ETV7: variants seen among roughly 807,000 people sequenced by gnomAD.
ETV7 encodes transcription factor ETV7.
ETV7 carries 43 observed loss-of-function variants against 39.1 expected under a neutral mutation model. That is an observed-to-expected ratio of 1.10 (90% CI 0.86 to 1.42). The LOEUF is 1.42. Ranked by LOEUF, ETV7 falls within the 40% of genes most tolerant of loss-of-function variation. The pLI, the probability that ETV7 is intolerant of heterozygous loss-of-function variation, is 0.00. For synonymous variants in ETV7, 196 were observed against 176.6 expected (o/e 1.11, Z -0.87); for missense variants, 432 against 442.3 (o/e 0.98, Z 0.21).
At chr6:36,380,928 G>C (rs1215415397) in intron 2 of ETV7, among the ~76,000 whole-genome samples, 1 of 142,602 alleles carries the variant, frequency 7.0e-6, no homozygotes, top group Non-Finnish European at 1.5e-5. Flanking sequence ...TTACTCTCTT[G>C]CTGAAGAAAC....
In ETV7 at chr6:36,366,708, C is replaced by A. The variant is rs766509638; in HGVS notation, c.963G>T (p.Pro321=). 8.7e-6 allele frequency: 14 copies of A among 1,613,956 alleles called. No homozygotes were observed. The highest frequency in any genetic ancestry group is 1.0e-5 in the Non-Finnish European group (12 of 1,180,008). ...TTCTGTCCTGCTCCTGGCTCTCCAG[C>A]GGCTCCAGGTGGCTGTGCTTGTCCT... The part of the protein sequence containing the change: ...MVQDKHSHLE[P]LESQEQDRIE... The change falls in exon 8 of 8, where the codon CCG becomes CCT. Residue 321 remains proline (P), a synonymous_variant. Transcript: ENST00000340181.
downstream of ETV7, among the ~76,000 whole-genome samples, chr6:36,363,175 A>G (rs1411077368): frequency 6.6e-6 from 1 of 152,224 alleles, no homozygotes; most frequent in African/African-American, 2.4e-5. Flanking sequence ...ACTGACTTCA[A>G]GAATGAAGCC....
intron 2 of ETV7, among the ~76,000 whole-genome samples, chr6:36,382,646 T>C (rs1002699652): frequency 4.6e-5 from 7 of 152,200 alleles, no homozygotes; most frequent in African/African-American, 1.7e-4. Context: ...ACCCAAAATC[T>C]GTTCAAGCTT....
intron 1 of ETV7, 50 bp downstream of exon 1, chr6:36,387,486 G>A (rs1375564521): frequency 6.2e-7 from 1 of 1,613,256 alleles, no homozygotes; most frequent in Non-Finnish European, 8.5e-7. Context: ...AAGGATGCGG[G>A]AGCAGGTGGC....
At chr6:36,382,714 C>A (rs1473066348) in intron 2 of ETV7, among the ~76,000 whole-genome samples, 1 of 152,146 alleles carries the variant, frequency 6.6e-6, no homozygotes, top group Non-Finnish European at 1.5e-5. Flanking sequence ...AGGTGTTATC[C>A]CTCTCCTTGC....
At chr6:36,381,093 C>A (rs373326798) in intron 2 of ETV7, among the ~76,000 whole-genome samples, 4 of 152,222 alleles carry the variant, frequency 2.6e-5, no homozygotes, top group South Asian at 2.1e-4. Flanking sequence ...CCAGGAGCCA[C>A]AGAGCCTGAC....
At chr6:36,361,139 T>C (rs1772477937) in intron 7 of ETV7, among the ~76,000 whole-genome samples, 1 of 152,188 alleles carries the variant, frequency 6.6e-6, no homozygotes, top group Admixed American at 6.5e-5. Flanking sequence ...GATTAAAATA[T>C]TTCTGAGTTG....
chr6:36,373,946 A>G (rs1377455672), intron 3 of ETV7, among the ~76,000 whole-genome samples: 1 of 152,216 alleles, frequency 6.6e-6, no homozygotes, highest in Non-Finnish European at 1.5e-5. Context: ...GAGCAGAGAC[A>G]GTTCTAAGGC....
chr6:36,369,178 C>T (rs545541541), intron 5 of ETV7, 107 bp from the exon 6 acceptor site: 11 of 1,281,592 alleles, frequency 8.6e-6, no homozygotes, highest in East Asian at 2.4e-5. Context: ...CCTAGGAGCA[C>T]CAGCAGGAAG....
downstream of ETV7, among the ~76,000 whole-genome samples, chr6:36,363,403 C>G (rs1772590650): frequency 6.6e-6 from 1 of 151,644 alleles, no homozygotes. Flanking sequence ...GGCTCGCTGG[C>G]TCCAGGAGTG....
rs1377331781 is a variant in ETV7 at position 36,385,521 on chromosome 6, C to T, written c.142+13G>A. ...CTTTTAAAAACTCAGCTTTTCTCCTCCCCTCTACTTACGGAGTCTTCCTGG... is the reference window on the plus strand; with the variant it reads ...CTTTTAAAAACTCAGCTTTTCTCCTTCCCTCTACTTACGGAGTCTTCCTGG... On this transcript the variant is annotated intron_variant, in intron 2 of 7. Coordinates refer to ENST00000340181, the MANE Select transcript of ETV7 (RefSeq NM_016135.4). 6.2e-7 allele frequency: 1 copy of T among 1,614,068 alleles called. No homozygotes were observed. The highest frequency in any genetic ancestry group is 8.5e-7 in the Non-Finnish European group (1 of 1,180,040).
intron 7 of ETV7, among the ~76,000 whole-genome samples, chr6:36,358,458 T>C (rs1172419418): frequency 6.6e-6 from 1 of 152,242 alleles, no homozygotes; most frequent in Non-Finnish European, 1.5e-5. Context: ...AATGTTCTTA[T>C]TGCAAATCAC....
chr6:36,359,314 G>A (rs2127381016), intron 7 of ETV7, among the ~76,000 whole-genome samples: 1 of 152,196 alleles, frequency 6.6e-6, no homozygotes, highest in South Asian at 2.1e-4. Flanking sequence ...AGCCAGGTGT[G>A]GTGGTGCACG....
chr6:36,384,191 G>A (rs1773786389), intron 2 of ETV7, among the ~76,000 whole-genome samples: 1 of 152,150 alleles, frequency 6.6e-6, no homozygotes, highest in African/African-American at 2.4e-5. Flanking sequence ...AGTGTTTTAG[G>A]GTCTGCTCCT....
chr6:36,380,373 A>G (rs1304645824), intron 2 of ETV7, among the ~76,000 whole-genome samples: 2 of 152,188 alleles, frequency 1.3e-5, no homozygotes, highest in African/African-American at 4.8e-5. Flanking sequence ...TCAAGACTCC[A>G]GGCAAATGTC....
intron 5 of ETV7, 134 bp from the exon 6 acceptor site, chr6:36,369,205 C>T: frequency 1.0e-6 from 1 of 953,710 alleles, no homozygotes; most frequent in Non-Finnish European, 1.5e-6. Flanking sequence ...ATGATGATAT[C>T]AACAGAAACA....
chr6:36,358,332 G>A (rs1317153759), intron 7 of ETV7, among the ~76,000 whole-genome samples: 1 of 152,210 alleles, frequency 6.6e-6, no homozygotes, highest in Non-Finnish European at 1.5e-5. Flanking sequence ...TTCACTGGGG[G>A]CCTTCTGCTG....
downstream of ETV7, among the ~76,000 whole-genome samples, chr6:36,362,191 G>A (rs1772511749): frequency 1.3e-5 from 2 of 152,142 alleles, no homozygotes; most frequent in Admixed American, 1.3e-4. Context: ...CCAGCTACTT[G>A]GGGAGGGGGC....
At chr6:36,372,498 G>C (rs747857320) in intron 4 of ETV7, among the ~76,000 whole-genome samples, 5 of 151,870 alleles carry the variant, frequency 3.3e-5, no homozygotes, top group Admixed American at 6.6e-5. Context: ...GCAGAAGCAA[G>C]GAGACCAGTG....
Sources: gnomAD v4.1 joint callset for allele counts (sites outside exome capture counted in the v4.1 genomes callset) on GRCh38, gnomAD v4.1.1 for gene constraint, MANE v1.5 for transcripts, NCBI Gene and HGNC (gene_info 2026-07-23, HGNC 2026-07-21) for gene names.